Variants in PRKN observed in about 807,000 individuals in gnomAD.
PRKN encodes parkin RBR E3 ubiquitin protein ligase.
PRKN carries 56 observed loss-of-function variants against 59.5 expected under a neutral mutation model. That is an observed-to-expected ratio of 0.94 (90% CI 0.76 to 1.18). The LOEUF is 1.18. Ranked by LOEUF, PRKN falls within the 50% of genes most tolerant of loss-of-function variation. PRKN has a pLI of 0.00. For missense variants in PRKN, 657 were observed against 596.4 expected (o/e 1.10, Z -1.06); for synonymous variants, 250 against 222.1 (o/e 1.13, Z -1.12).
intron 7 of PRKN, among the ~76,000 whole-genome samples, chr6:161,619,453 C>T (rs1204628388): frequency 6.7e-6 from 1 of 150,362 alleles, no homozygotes; most frequent in African/African-American, 2.4e-5. Flanking sequence ...ATAAACTTTT[C>T]ATATGATAAA....
intron 11 of PRKN, among the ~76,000 whole-genome samples, chr6:161,358,434 G>A (rs1363137990): frequency 6.6e-6 from 1 of 152,156 alleles, no homozygotes; most frequent in Non-Finnish European, 1.5e-5. Context: ...CCGACATATA[G>A]TGAAATCCCG....
intron 5 of PRKN, among the ~76,000 whole-genome samples, chr6:161,976,322 C>T (rs1554256708): frequency 1.3e-5 from 2 of 152,196 alleles, no homozygotes; most frequent in Non-Finnish European, 2.9e-5. Flanking sequence ...CCTATCCTAT[C>T]TGGGGCAGTG....
intron 5 of PRKN, among the ~76,000 whole-genome samples, chr6:161,997,251 G>T (rs1302075080): frequency 6.6e-6 from 1 of 151,954 alleles, no homozygotes; most frequent in African/African-American, 2.4e-5. Flanking sequence ...TTTCTACCCT[G>T]CAGTGGAAGC....
intron 1 of PRKN, among the ~76,000 whole-genome samples, chr6:162,690,648 A>G (rs1357165076): frequency 1.3e-5 from 2 of 152,190 alleles, no homozygotes; most frequent in African/African-American, 2.4e-5. Context: ...AAATATCACT[A>G]GGCTGAGAAA....
chr6:162,010,707 T>A (rs565802751), intron 5 of PRKN, among the ~76,000 whole-genome samples: 1 of 3,252 alleles, frequency 3.1e-4, no homozygotes, highest in Non-Finnish European at 3.5e-4. Context: ...ATTATATATA[T>A]TATATTATAT....
At chr6:162,688,221 T>C (rs2128234431) in intron 1 of PRKN, among the ~76,000 whole-genome samples, 1 of 152,312 alleles carries the variant, frequency 6.6e-6, no homozygotes, top group East Asian at 1.9e-4. Flanking sequence ...CATGATTCCA[T>C]CTATATAACG....
intron 1 of PRKN, among the ~76,000 whole-genome samples, chr6:162,564,909 C>A (rs1779996762): frequency 6.6e-6 from 1 of 150,542 alleles, no homozygotes. Flanking sequence ...TAAATAATCA[C>A]CTGAAGGTAC....
chr6:162,397,538 G>C (rs1787537683), intron 2 of PRKN, among the ~76,000 whole-genome samples: 1 of 151,802 alleles, frequency 6.6e-6, no homozygotes, highest in African/African-American at 2.4e-5. Context: ...ATATAACATG[G>C]TCCTTGCTTC....
intron 6 of PRKN, among the ~76,000 whole-genome samples, chr6:161,932,068 A>G (rs2128241078): frequency 6.6e-6 from 1 of 152,258 alleles, no homozygotes; most frequent in South Asian, 2.1e-4. Context: ...TAAAGTTCAC[A>G]GAAAATAAAC....
intron 2 of PRKN, among the ~76,000 whole-genome samples, chr6:162,374,561 T>A (rs1490275178): frequency 6.6e-6 from 1 of 152,034 alleles, no homozygotes; most frequent in East Asian, 1.9e-4. Context: ...ATTTATTTAT[T>A]TATTCATTTA....
At chr6:161,606,376 G>A (rs1329160811) in intron 7 of PRKN, among the ~76,000 whole-genome samples, 1 of 152,158 alleles carries the variant, frequency 6.6e-6, no homozygotes, top group East Asian at 1.9e-4. Flanking sequence ...AAGGAGTCTG[G>A]GATGACTTCA....
chr6:161,389,782 G>A lies in PRKN; in HGVS notation c.1084-2905C>T, dbSNP rs184589491. On this transcript the variant is annotated intron_variant, in intron 9 of 11. Coordinates refer to ENST00000366898, the MANE Select transcript of PRKN (RefSeq NM_004562.3). The stretch of plus-strand genomic sequence containing the variant: ...ATCTGTTGGTGTGAAAGGGAAAACC[G>A]TTCACATCTTATTAGCTCGTGGATG... Among the ~76,000 whole-genome samples the A allele has an allele frequency of 5.3e-5, 8 of 152,220 alleles. No individual in the cohort carries two copies. The East Asian group carries it at 1.5e-3, about 29-fold the overall frequency.
At chr6:162,410,404 C>G (rs574867756) in intron 2 of PRKN, among the ~76,000 whole-genome samples, 1 of 152,256 alleles carries the variant, frequency 6.6e-6, no homozygotes, top group South Asian at 2.1e-4. Flanking sequence ...AAACAGCTAA[C>G]GATTCACATG....
chr6:162,514,873 C>A (rs559736014), intron 1 of PRKN, among the ~76,000 whole-genome samples: 4 of 152,154 alleles, frequency 2.6e-5, no homozygotes, highest in Non-Finnish European at 5.9e-5. Flanking sequence ...TTAATTAAAT[C>A]TATTCATGTA....
rs1332395710 is a variant in PRKN, at chr6:162,500,176, T to C, written c.8-56703A>G. On this transcript the variant is annotated intron_variant, in intron 1 of 11. Transcript: ENST00000366898. ...AAACAGCCTTTCTCTTTTCTTCTTT[T>C]TTTTTTTTTTTTTGGTGACAGAGTT... 7.6e-3 allele frequency among the ~76,000 whole-genome samples: 1,136 copies of C among 149,576 alleles called. 18 individuals carry two copies. The highest frequency in any genetic ancestry group is 0.026 in the African/African-American group (1,089 of 41,100).
rs1777377383 is a variant in PRKN at position 161,487,682 on chromosome 6, T to C, written c.1083+61172A>G. ...ATAATATGTGTATTCATGTAGGAGG[T>C]AGGGGTTGTGCCTTCTTTTCCATTC... is the stretch of plus-strand genomic sequence containing the variant. On this transcript the variant is annotated intron_variant, in intron 9 of 11. Coordinates refer to ENST00000366898, the MANE Select transcript of PRKN (RefSeq NM_004562.3). This position sits in a 1 kb window ranked among gnomAD's most constrained non-coding sequence, Gnocchi z 5.3. 6.6e-6 allele frequency among the ~76,000 whole-genome samples: 1 copy of C among 152,096 alleles called. No individual in the cohort carries two copies. Among genetic ancestry groups the C allele is most frequent in the Non-Finnish European group, 1.5e-5 (1 of 68,016 alleles).
intron 3 of PRKN, among the ~76,000 whole-genome samples, chr6:162,217,268 T>C (rs976988429): frequency 6.6e-6 from 1 of 152,186 alleles, no homozygotes; most frequent in Non-Finnish European, 1.5e-5. Flanking sequence ...ACAGCCTCTG[T>C]GTGGGGGTAG....
At chr6:162,267,013 T>C (rs1179373614) in intron 2 of PRKN, among the ~76,000 whole-genome samples, 1 of 152,180 alleles carries the variant, frequency 6.6e-6, no homozygotes, top group Non-Finnish European at 1.5e-5. Flanking sequence ...TATCACCATA[T>C]AGCCAGATGC....
chr6:162,477,468 T>C (rs1792077211), intron 1 of PRKN, among the ~76,000 whole-genome samples: 1 of 152,206 alleles, frequency 6.6e-6, no homozygotes, highest in Non-Finnish European at 1.5e-5. Flanking sequence ...CAACAGAATA[T>C]GTCCAGAACT....
Sources: gnomAD v4.1 joint callset for allele counts (sites outside exome capture counted in the v4.1 genomes callset) on GRCh38, gnomAD v4.1.1 for gene constraint, Gnocchi (gnomAD v3.1) non-coding constraint, MANE v1.5 for transcripts, NCBI Gene and HGNC (gene_info 2026-07-23, HGNC 2026-07-21) for gene names.